ESPN: variants seen among roughly 807,000 people sequenced by gnomAD.
ESPN encodes the protein autosomal recessive deafness type 36 protein.
In ESPN, 68 loss-of-function variants were observed where a neutral mutation model predicts 77.7. The observed-to-expected ratio is 0.87, with a 90% CI of 0.72 to 1.07. ESPN has a LOEUF of 1.07. Ranked by LOEUF, ESPN falls within the 50% of genes least tolerant of loss-of-function variation. ESPN has a pLI of 0.00. For synonymous variants in ESPN, 449 were observed against 567.1 expected (o/e 0.79, Z 2.96); for missense variants, 1,060 against 1,239.0 (o/e 0.86, Z 2.17).
At chr1:6,454,496 C>A in intron 10 of ESPN, 1 of 396,612 alleles carries the variant, frequency 2.5e-6, no homozygotes, top group East Asian at 3.6e-5. Context: ...GCGAGCACAA[C>A]GCCATCCTCG....
intron 10 of ESPN, chr1:6,454,650 T>C (rs546735950): frequency 2.4e-4 from 95 of 398,880 alleles, no homozygotes; most frequent in South Asian, 1.8e-3. Flanking sequence ...GCTGCCCATC[T>C]CGGCCGCCCT....
rs1301049352 is a variant in ESPN, at chr1:6,434,040, A to G, written c.488+5621A>G. ...CTTAGCCTACCGAGTAGCTGGGATTATAGGTGCATATGGCACCACACCCGG... is the reference window on the plus strand; with the variant it reads ...CTTAGCCTACCGAGTAGCTGGGATTGTAGGTGCATATGGCACCACACCCGG... On this transcript the variant is annotated intron_variant, in intron 2 of 12. Transcript: ENST00000645284. Among the ~76,000 whole-genome samples, 4 of 152,284 alleles carry G rather than the reference A, an allele frequency of 2.6e-5. No individual in the cohort carries two copies. In the East Asian group the frequency reaches 7.7e-4, roughly 29 times the overall value.
At chr1:6,448,265 C>A (rs1643884832) in intron 7 of ESPN, 1 of 174,766 alleles carries the variant, frequency 5.7e-6, no homozygotes, top group Non-Finnish European at 1.2e-5. Flanking sequence ...CTTCTGACAG[C>A]CGAGAGCGGA....
At chr1:6,457,114 G>T in intron 10 of ESPN, 70 bp from the exon 11 acceptor site, 1 of 1,451,632 alleles carries the variant, frequency 6.9e-7, no homozygotes, top group Admixed American at 2.0e-5. Context: ...ACTCCTTCAG[G>T]TCCCGAGGTT....
intron 6 of ESPN, among the ~76,000 whole-genome samples, chr1:6,445,193 CAT>C (rs941186436): frequency 2.0e-5 from 3 of 152,240 alleles, no homozygotes; most frequent in Non-Finnish European, 4.4e-5. Flanking sequence ...CCCCCTCAAA[CAT>C]ACACAAATGC....
chr1:6,460,366 T>C lies in ESPN; in HGVS notation c.*220T>C, dbSNP rs988147389. 2.7e-5 allele frequency: 16 copies of C among 586,424 alleles called. No homozygotes were observed. The East Asian group carries it at 4.3e-4, about 16-fold the overall frequency. 36.3% of individuals were successfully genotyped at this position (586,424 alleles called of 1,614,324 possible). On this transcript the variant is annotated 3_prime_UTR_variant, in exon 13 of 13. Transcript: ENST00000645284. ...TGCCCAGAAAAAGTGCCCAAGCTGCTGACGCAAACAACAACAAATGCTGCT... is the reference window on the plus strand; with the variant it reads ...TGCCCAGAAAAAGTGCCCAAGCTGCCGACGCAAACAACAACAAATGCTGCT...
chr1:6,431,628 C>CA (rs760363517), intron 2 of ESPN, among the ~76,000 whole-genome samples: 6,695 of 60,002 alleles, frequency 0.11, 429 homozygotes, highest in East Asian at 0.25. Context: ...AAGATTCTGT[C>CA]AAAAAAAAAA....
In ESPN at chr1:6,440,275, G is replaced by A. The variant is rs1387154324; in HGVS notation, c.510G>A (p.Lys170=). ...HYPEGVNAQT[K]NGATPLYLAC... is the part of the protein sequence containing the mutation. ...GCAGGGGAGTGAATGCCCAAACCAA[G>A]AACGGTGCCACGCCCCTGTACCTGG... Residue 170 remains lysine, a synonymous_variant, in exon 3 of 13, where the codon AAG becomes AAA. Transcript: ENST00000645284. 1.6e-5 allele frequency: 25 copies of A among 1,550,364 alleles called. No individual in the cohort carries two copies. The highest frequency in any genetic ancestry group is 2.1e-5 in the Non-Finnish European group (24 of 1,147,134).
In ESPN at chr1:6,427,477, C is replaced by T. The variant is rs1462380320; in HGVS notation, c.295-749C>T. Among the ~76,000 whole-genome samples the T allele has an allele frequency of 6.6e-6, 1 of 152,140 alleles. No homozygotes were observed. Among genetic ancestry groups the T allele is most frequent in the African/African-American group, 2.4e-5 (1 of 41,428 alleles). On this transcript the variant is annotated intron_variant, in intron 1 of 12. Transcript: ENST00000645284. This position sits in a 1 kb window ranked among gnomAD's most constrained non-coding sequence, Gnocchi z 4.6. ...CCTCTGGCCCCACCTGCTCTGAGGT[C>T]CCCGGGGGGAGTTTTGTCCAAGCCC... is the stretch of plus-strand genomic sequence containing the variant.
At chr1:6,452,256 G>T (rs1167210309) in intron 10 of ESPN, among the ~76,000 whole-genome samples, 160 bp downstream of exon 10, 1 of 151,658 alleles carries the variant, frequency 6.6e-6, no homozygotes, top group Non-Finnish European at 1.5e-5. Flanking sequence ...CCAGGCTGGA[G>T]TGCAGTGGTG....
intron 2 of ESPN, among the ~76,000 whole-genome samples, chr1:6,438,998 G>A (rs1373874140): frequency 6.6e-6 from 1 of 152,230 alleles, no homozygotes; most frequent in Non-Finnish European, 1.5e-5. Context: ...TGTAGTCCCA[G>A]CTGCTTGGGA....
intron 10 of ESPN, chr1:6,455,546 A>G (rs1199124174): frequency 2.5e-6 from 1 of 398,414 alleles, no homozygotes; most frequent in African/African-American, 2.1e-5. Flanking sequence ...GCGTGCCGGC[A>G]AGCCCGGGCC....
intron 6 of ESPN, 92 bp from the exon 7 acceptor site, chr1:6,445,572 G>C (rs1369003483): frequency 4.8e-6 from 7 of 1,452,534 alleles, no homozygotes; most frequent in South Asian, 2.4e-5. Context: ...CTTGCCCCTC[G>C]GCAAGTTGTT....
chr1:6,430,474 C>CT (rs1198740201), intron 2 of ESPN, among the ~76,000 whole-genome samples: 1 of 152,210 alleles, frequency 6.6e-6, no homozygotes, highest in African/African-American at 2.4e-5. Context: ...CAGGAATGTC[C>CT]TGCACGTCCC....
chr1:6,426,038 A>G lies in ESPN; in HGVS notation c.294+789A>G, dbSNP rs75015374. Among the ~76,000 whole-genome samples the G allele has an allele frequency of 2.4e-3, 373 of 152,334 alleles. 1 individual carries two copies. Among genetic ancestry groups the G allele is most frequent in the African/African-American group, 8.5e-3 (353 of 41,586 alleles). ...TGCCAGGGCCAGGCCAGAGAGTATCATAGGCCGAGGTTAGGGATTTGGATG... is the reference window on the plus strand; with the variant it reads ...TGCCAGGGCCAGGCCAGAGAGTATCGTAGGCCGAGGTTAGGGATTTGGATG... On this transcript the variant is annotated intron_variant, in intron 1 of 12. Transcript: ENST00000645284.
At chr1:6,458,983 G>A (rs1225848835) in intron 12 of ESPN, among the ~76,000 whole-genome samples, 2 of 151,302 alleles carry the variant, frequency 1.3e-5, no homozygotes, top group African/African-American at 4.9e-5. Context: ...GCTCACGCCT[G>A]TAATCCCAGC....
intron 7 of ESPN, 60 bp from the exon 8 acceptor site, chr1:6,448,581 G>T: frequency 6.9e-7 from 1 of 1,458,090 alleles, no homozygotes; most frequent in African/African-American, 1.5e-5. Context: ...TGGGTGGGGA[G>T]GCGTGGGGGG....
chr1:6,442,569 T>C (rs1643676661), intron 5 of ESPN, among the ~76,000 whole-genome samples: 1 of 107,450 alleles, frequency 9.3e-6, no homozygotes, highest in Admixed American at 1.1e-4. Context: ...CAAGACTCCT[T>C]CTAAAAAAAA....
chr1:6,457,601 T>C (rs977439417), intron 12 of ESPN, among the ~76,000 whole-genome samples: 1 of 152,208 alleles, frequency 6.6e-6, no homozygotes, highest in African/African-American at 2.4e-5. Flanking sequence ...ACCCTTCAGT[T>C]AACCTAACCC....
Sources: gnomAD v4.1 joint callset for allele counts (sites outside exome capture counted in the v4.1 genomes callset) on GRCh38, gnomAD v4.1.1 for gene constraint, Gnocchi (gnomAD v3.1) non-coding constraint, MANE v1.5 for transcripts, NCBI Gene and HGNC (gene_info 2026-07-23, HGNC 2026-07-21) for gene names.